CTBP2: variants seen among roughly 807,000 people sequenced by gnomAD.
CTBP2 encodes C-terminal-binding protein 2.
A neutral mutation model predicts 80.3 loss-of-function variants in CTBP2; 30 were observed. The observed-to-expected ratio is 0.37, with a 90% CI of 0.28 to 0.51. The LOEUF is 0.51. CTBP2 is among the 20% of genes least tolerant of loss of function. The pLI is 0.93. For missense variants in CTBP2, 1,212 were observed against 1,375.3 expected (o/e 0.88, Z 1.88); for synonymous variants, 594 against 587.4 (o/e 1.01, Z -0.16).
chr10:125,012,544 C>A (rs1956047748), intron 1 of CTBP2, among the ~76,000 whole-genome samples: 1 of 152,196 alleles, frequency 6.6e-6, no homozygotes, highest in Admixed American at 6.5e-5. Flanking sequence ...CTCACTCCCC[C>A]ACCTGCCTGT....
chr10:125,005,587 C>T, intron 1 of CTBP2: 1 of 1,612,570 alleles, frequency 6.2e-7, no homozygotes, highest in Non-Finnish European at 8.5e-7. Flanking sequence ...GCGTGCAGCA[C>T]AAAGCTGGAT....
chr10:125,126,861 T>C (rs574182941), intron 1 of CTBP2, among the ~76,000 whole-genome samples: 1 of 152,298 alleles, frequency 6.6e-6, no homozygotes, highest in South Asian at 2.1e-4. Flanking sequence ...TCAAAGCCTA[T>C]AGCCCATTCT....
At chr10:125,118,037 C>T (rs1853630275) in intron 1 of CTBP2, among the ~76,000 whole-genome samples, 1 of 152,188 alleles carries the variant, frequency 6.6e-6, no homozygotes, top group African/African-American at 2.4e-5. Context: ...TAAAAAGGCC[C>T]AACAGCCAAG....
At position 125,123,969 on chromosome 10, in the gene CTBP2, G is replaced by A. The variant is rs765404402; in HGVS notation, c.-205-12876C>T. Among the ~76,000 whole-genome samples the A allele has an allele frequency of 8.3e-4, 126 of 152,212 alleles. 1 individual carries two copies. Among genetic ancestry groups the A allele is most frequent in the Non-Finnish European group, 2.2e-4 (15 of 68,040 alleles). ...TGTGCTGGGCAAGTGCCTCTCTGGT[G>A]GGTAACAACTTCAGGACTCCCTGAC... On this transcript the variant is annotated intron_variant, in intron 1 of 10. Coordinates refer to the CTBP2 transcript ENST00000337195.
intron 1 of CTBP2, among the ~76,000 whole-genome samples, chr10:125,135,740 G>A (rs1455154541): frequency 6.6e-6 from 1 of 151,884 alleles, no homozygotes; most frequent in Non-Finnish European, 1.5e-5. Flanking sequence ...GGGAAGCCAG[G>A]CCACACTGGG....
intron 1 of CTBP2, among the ~76,000 whole-genome samples, chr10:125,020,104 G>A (rs1355978749): frequency 2.0e-5 from 3 of 152,230 alleles, no homozygotes; most frequent in Admixed American, 6.5e-5. Context: ...CACCTGGTCT[G>A]TGGAATCTGC....
In CTBP2 at chr10:125,098,750, C is replaced by CAGAGAGAGAGAG. The variant is rs1265217140; in HGVS notation, c.-102+12228_-102+12239dup. ...AGAGAGAGAGAGAGAGAGAGAGAGA[C>CAGAGAGAGAGAG]AGAGAGAGAGAGAGAGAGAGAGAGA... is the stretch of plus-strand genomic sequence containing the variant. On this transcript the variant is annotated intron_variant, in intron 2 of 10. Coordinates refer to the CTBP2 transcript ENST00000337195. Among the ~76,000 whole-genome samples the CAGAGAGAGAGAG allele has an allele frequency of 7.2e-4, 54 of 75,490 alleles. 1 individual carries two copies. Among genetic ancestry groups the CAGAGAGAGAGAG allele is most frequent in the African/African-American group, 2.2e-3 (33 of 15,012 alleles). The allele number at this position is 75,490 out of a possible 152,430, so 49.5% of individuals were successfully genotyped here.
intron 1 of CTBP2, among the ~76,000 whole-genome samples, chr10:125,119,782 C>T (rs1185684910): frequency 6.6e-6 from 1 of 152,166 alleles, no homozygotes; most frequent in African/African-American, 2.4e-5. Flanking sequence ...CTATTTTCTG[C>T]AAAGAGCATG....
intron 1 of CTBP2, among the ~76,000 whole-genome samples, chr10:125,147,769 T>C (rs1250162565): frequency 6.6e-6 from 1 of 152,026 alleles, no homozygotes. Context: ...TGGTGCCCTG[T>C]ACCTGTAGTC....
chr10:125,067,937 G>C (rs1369114438), intron 2 of CTBP2, among the ~76,000 whole-genome samples: 2 of 152,190 alleles, frequency 1.3e-5, no homozygotes, highest in African/African-American at 4.8e-5. Context: ...TATACCCTAG[G>C]AGGCACCCCC....
chr10:125,090,994 C>G (rs148932998), intron 2 of CTBP2, among the ~76,000 whole-genome samples: 1 of 152,346 alleles, frequency 6.6e-6, no homozygotes, highest in East Asian at 1.9e-4. Context: ...CAATGCCACA[C>G]AGCTACCAAA....
In CTBP2 at chr10:124,993,951, C is replaced by T. The variant is rs1197180344; in HGVS notation, c.2435G>A (p.Arg812His). 11 of 1,614,166 alleles carry T rather than the reference C, an allele frequency of 6.8e-6. No individual in the cohort carries two copies. The highest frequency in any genetic ancestry group is 1.7e-5 in the Admixed American group (1 of 60,028). The change falls in exon 6 of 9, where the codon CGT becomes CAT. Residue 812 changes from arginine to histidine, a missense_variant. Physicochemically the swap from Arg to His is conservative, Grantham distance 29 (BLOSUM62 0). Transcript: ENST00000309035. ...GGCTTTCTCGTCCACCAGGCCGCCACGGGCTGCGTTCACAAGGAATGCTCC... is the reference window on the plus strand; with the variant it reads ...GGCTTTCTCGTCCACCAGGCCGCCATGGGCTGCGTTCACAAGGAATGCTCC...
chr10:125,010,817 GGCTGTGCCATCACCGT>G (rs1180614619), intron 1 of CTBP2, among the ~76,000 whole-genome samples: 1 of 152,134 alleles, frequency 6.6e-6, no homozygotes, highest in Non-Finnish European at 1.5e-5. Flanking sequence ...AAGCGGTGAT[GGCTGTGCCATCACCGT>G]GTACATCCTT....
In CTBP2 at chr10:125,119,139, T is replaced by TA. The variant is rs1853879471; in HGVS notation, c.-205-8047dup. Among the ~76,000 whole-genome samples, 4 of 152,166 alleles carry TA rather than the reference T, an allele frequency of 2.6e-5. No homozygotes were observed. In the South Asian group the frequency reaches 8.3e-4, roughly 32 times the overall value. On this transcript the variant is annotated intron_variant, in intron 1 of 10. Coordinates refer to the CTBP2 transcript ENST00000337195. The stretch of plus-strand genomic sequence containing the variant: ...AACAAGGGCCAGACTATATATTTAC[T>TA]ATAGGCCCTACACAGGGCCAGAAGG...
At chr10:125,106,347 T>C (rs1040048852) in intron 2 of CTBP2, among the ~76,000 whole-genome samples, 2 of 152,082 alleles carry the variant, frequency 1.3e-5, no homozygotes, top group African/African-American at 4.8e-5. Context: ...GACCCTGCAG[T>C]GTATGGGAAG....
chr10:124,997,644 T>C (rs913217785), intron 4 of CTBP2: 6 of 420,996 alleles, frequency 1.4e-5, no homozygotes, highest in Admixed American at 8.2e-5. Flanking sequence ...ATACAGCCCC[T>C]GCCCTTCACC....
Position 124,995,575 on chromosome 10 carries a change from G to A in CTBP2, c.2186-892C>T, listed in dbSNP as rs187178178. Among the ~76,000 whole-genome samples the A allele has an allele frequency of 1.5e-4, 23 of 152,306 alleles. No homozygotes were observed. The East Asian group carries it at 2.5e-3, about 17-fold the overall frequency. ...TCCGAGCAGGCAGCCTGTGTTCCAG[G>A]GGTACCTCAATGCTGGATGGCTCCT... is the stretch of plus-strand genomic sequence containing the variant. On this transcript the variant is annotated intron_variant, in intron 4 of 8. Transcript: ENST00000309035.
At chr10:125,121,275 C>T (rs956349023) in intron 1 of CTBP2, among the ~76,000 whole-genome samples, 3 of 152,328 alleles carry the variant, frequency 2.0e-5, no homozygotes, top group East Asian at 1.9e-4. Flanking sequence ...CTCAGCGTGG[C>T]GCCTGGCACG....
intron 2 of CTBP2, among the ~76,000 whole-genome samples, chr10:125,085,690 C>A (rs1847868779): frequency 6.6e-6 from 1 of 152,248 alleles, no homozygotes; most frequent in Admixed American, 6.5e-5. Context: ...AACTGGCCAC[C>A]TTGCATTAAC....
Sources: gnomAD v4.1 joint callset for allele counts (sites outside exome capture counted in the v4.1 genomes callset) on GRCh38, gnomAD v4.1.1 for gene constraint, MANE v1.5 for transcripts, NCBI Gene and HGNC (gene_info 2026-07-23, HGNC 2026-07-21) for gene names.